The following CACNA1S variants were observed in gnomAD, a reference collection of about 807,000 sequenced individuals.
CACNA1S encodes calcium voltage-gated channel subunit alpha1 S.
A neutral mutation model predicts 207.4 loss-of-function variants in CACNA1S; 126 were observed. The observed-to-expected ratio is 0.61, with a 90% CI of 0.53 to 0.70. The LOEUF (loss-of-function observed/expected upper bound fraction) is 0.70. Ranked by LOEUF, CACNA1S falls within the 30% of genes least tolerant of loss-of-function variation. The pLI, the probability that CACNA1S is intolerant of heterozygous loss-of-function variation, is 0.00. For missense variants in CACNA1S, 2,349 were observed against 2,422.8 expected, an observed-to-expected ratio of 0.97 and a Z score of 0.64; for synonymous variants, 960 against 932.7, an observed-to-expected ratio of 1.03 and a Z score of -0.53.
Position 201,066,742 on chromosome 1 carries a change from C to A in CACNA1S, c.2657+145G>T. The A allele has an allele frequency of 1.4e-6, 1 of 691,448 alleles. No individual in the cohort carries two copies. The highest frequency in any genetic ancestry group is 2.1e-5 in the Admixed American group (1 of 46,606). The allele number at this position is 691,448 out of a possible 1,614,324, so 42.8% of individuals were successfully genotyped here. On this transcript the variant is annotated intron_variant, in intron 20 of 43. Coordinates refer to ENST00000362061, the MANE Select transcript of CACNA1S (RefSeq NM_000069.3). The surrounding 1 kb of genome is among the most constrained non-coding windows in gnomAD (Gnocchi z 4.3). Reference sequence around the variant, plus strand: ...CCACATTCCAGCTGGTGACAACCCACAGGACCCCCTGCCTCCATCGGAGGC... The same window carrying A: ...CCACATTCCAGCTGGTGACAACCCAAAGGACCCCCTGCCTCCATCGGAGGC...
chr1:201,082,667 A>G (rs1315210327), intron 10 of CACNA1S, among the ~76,000 whole-genome samples: 1 of 152,212 alleles, frequency 6.6e-6, no homozygotes, highest in Non-Finnish European at 1.5e-5. Context: ...CCCTCTGGCT[A>G]AGTAAGCTCC....
chr1:201,062,201 C>A, intron 23 of CACNA1S, 111 bp from the exon 24 acceptor site: 1 of 1,399,442 alleles, frequency 7.1e-7, no homozygotes. Flanking sequence ...AGTTCCAGAT[C>A]TGGGACCCAA....
chr1:201,107,612 T>C (rs1662944314), intron 2 of CACNA1S, among the ~76,000 whole-genome samples: 1 of 152,230 alleles, frequency 6.6e-6, no homozygotes. Context: ...GCCTCCTTTC[T>C]TGAAAGCTAC....
chr1:201,082,333 A>ATT lies in CACNA1S; in HGVS notation c.1393+827_1393+828dup, dbSNP rs77203267. On this transcript the variant is annotated intron_variant, in intron 10 of 43. Coordinates refer to ENST00000362061, the MANE Select transcript of CACNA1S (RefSeq NM_000069.3). Reference sequence around the variant, plus strand: ...TGAGCCACCGCGCCCGGCCTCAGGTATTTTTTTTATAGCAACACAAGAATG... The same window carrying ATT: ...TGAGCCACCGCGCCCGGCCTCAGGTATTTTTTTTTTATAGCAACACAAGAATG... Among the ~76,000 whole-genome samples the ATT allele has an allele frequency of 3.3e-5, 5 of 151,868 alleles. No homozygotes were observed. In the East Asian group the frequency reaches 7.8e-4, roughly 24 times the overall value.
rs753195502 is a variant in CACNA1S at position 201,092,104 on chromosome 1, C to T, written c.409G>A (p.Val137Met). ...FTIVFLGVFT[V>M]ILEQVNVIQS... ...ATGACGTTAACCTGTTCCAGAATCACGGTGAAGACCCTAGAATGGAGAAGA... is the reference window on the plus strand; with the variant it reads ...ATGACGTTAACCTGTTCCAGAATCATGGTGAAGACCCTAGAATGGAGAAGA... Residue 137 changes from valine to methionine, a missense_variant, in exon 4 of 44, where the codon GTG (valine) becomes ATG (methionine). Coordinates refer to ENST00000362061, the MANE Select transcript of CACNA1S (RefSeq NM_000069.3). 1.8e-5 allele frequency: 29 copies of T among 1,613,896 alleles called. No individual in the cohort carries two copies. Among genetic ancestry groups the T allele is most frequent in the Middle Eastern group, 1.6e-4 (1 of 6,084 alleles).
At chr1:201,109,800 A>G (rs115271096) in intron 2 of CACNA1S, among the ~76,000 whole-genome samples, 1 of 152,122 alleles carries the variant, frequency 6.6e-6, no homozygotes, top group Non-Finnish European at 1.5e-5. Flanking sequence ...TTAGCATTCA[A>G]CCTCTGTGGC....
intron 19 of CACNA1S, 76 bp downstream of exon 19, chr1:201,069,061 C>G (rs1661355813): frequency 7.7e-7 from 1 of 1,306,912 alleles, no homozygotes; most frequent in East Asian, 2.3e-5. Context: ...TCTCCAGCCC[C>G]TGAGTTCAGT....
At position 201,043,316 on chromosome 1, in the gene CACNA1S, G is replaced by T; in HGVS notation, c.5013C>A (p.Gly1671=). Residue 1671 remains glycine (G), a synonymous_variant, in exon 40 of 44, where the codon GGC becomes GGA. Transcript: ENST00000362061. ...TNNANANVAY[G]NSNHSNSHVF... ...CATGGCTGTTGCTATGGTTGCTGTTGCCATAGGCGACATTGGCGTTGGCAT... is the reference window on the plus strand; with the variant it reads ...CATGGCTGTTGCTATGGTTGCTGTTTCCATAGGCGACATTGGCGTTGGCAT... The T allele has an allele frequency of 1.2e-6, 2 of 1,614,216 alleles. No homozygotes were observed. Among genetic ancestry groups the T allele is most frequent in the Non-Finnish European group, 1.7e-6 (2 of 1,180,044 alleles).
intron 36 of CACNA1S, 106 bp downstream of exon 36, chr1:201,048,476 C>T: frequency 1.0e-6 from 1 of 988,872 alleles, no homozygotes. Context: ...TCTACTTCTT[C>T]CCACAGTTCT....
rs1404088450 is a variant in CACNA1S at position 201,097,279 on chromosome 1, C to G, written c.259-3258G>C. 4.6e-5 allele frequency among the ~76,000 whole-genome samples: 7 copies of G among 152,308 alleles called. No individual in the cohort carries two copies. The South Asian group carries it at 1.2e-3, about 27-fold the overall frequency. Reference sequence around the variant, plus strand: ...CCTTGCTTGCAAGTCTGCAATGGCTCCACAACACCTACCAGAAAAATCCAA... The same window carrying G: ...CCTTGCTTGCAAGTCTGCAATGGCTGCACAACACCTACCAGAAAAATCCAA... On this transcript the variant is annotated intron_variant, in intron 2 of 43. Transcript: ENST00000362061.
chr1:201,097,460 G>T (rs771182287), intron 2 of CACNA1S, among the ~76,000 whole-genome samples: 1 of 151,998 alleles, frequency 6.6e-6, no homozygotes, highest in Non-Finnish European at 1.5e-5. Context: ...TGCTCATCCC[G>T]GCCCCTCTGC....
chr1:201,085,530 C>T lies in CACNA1S; in HGVS notation c.1056G>A (p.Lys352=). Residue 352 remains lysine (K), a synonymous_variant, in exon 8 of 44, where the codon AAG becomes AAA. Coordinates refer to ENST00000362061, the MANE Select transcript of CACNA1S (RefSeq NM_000069.3). ...CATCTAGTTGCTGCTTCTCCCGGAG[C>T]TTCTGGAAGGTTCCCCTGGACTTGG... ...EKAKSRGTFQ[K]LREKQQLDED... 8 of 1,613,514 alleles carry T rather than the reference C, an allele frequency of 5.0e-6. No homozygotes were observed. The highest frequency in any genetic ancestry group is 5.9e-6 in the Non-Finnish European group (7 of 1,179,944).
At position 201,051,003 on chromosome 1, in the gene CACNA1S, T is replaced by C. The variant is rs747804520; in HGVS notation, c.4094A>G (p.Tyr1365Cys). The C allele has an allele frequency of 8.1e-6, 13 of 1,614,192 alleles. No individual in the cohort carries two copies. Among genetic ancestry groups the C allele is most frequent in the Non-Finnish European group, 1.1e-5 (13 of 1,180,020 alleles). The change falls in exon 33 of 44, where the codon TAC (tyrosine) becomes TGC (cysteine). Residue 1365 changes from tyrosine to cysteine, a missense_variant. Coordinates refer to ENST00000362061, the MANE Select transcript of CACNA1S (RefSeq NM_000069.3). ...NFAYYYFISF[Y>C]MLCAFLVINL... ...TCTCACCAGGAAGGCACAGAGCATG[T>C]AGAAGCTGATGAAGTAGTAGTATGC...
At chr1:201,047,847 T>C (rs1169601366) in intron 36 of CACNA1S, among the ~76,000 whole-genome samples, 1 of 152,252 alleles carries the variant, frequency 6.6e-6, no homozygotes, top group African/African-American at 2.4e-5. Context: ...CCCACAGGCC[T>C]TGGCTTCCAG....
intron 2 of CACNA1S, among the ~76,000 whole-genome samples, chr1:201,105,384 C>A (rs1662840293): frequency 6.6e-6 from 1 of 152,162 alleles, no homozygotes; most frequent in Admixed American, 6.5e-5. Flanking sequence ...TTACCTCTCT[C>A]AAGTATACAA....
Position 201,062,075 on chromosome 1 carries a change from C to T in CACNA1S, c.2922G>A (p.Val974=), listed in dbSNP as rs377715551. 93 of 1,613,842 alleles carry T rather than the reference C, an allele frequency of 5.8e-5. 1 individual carries two copies. The South Asian group carries it at 9.3e-4, about 16-fold the overall frequency. ...TEEECRGYYY[V]YKDGDPMQIE... ...TCTGCATGGGGTCCCCGTCCTTGTA[C>T]ACGTAGTAGTAGCCCCTGTGGCAGG... Residue 974 remains valine (V), a synonymous_variant, in exon 24 of 44, where the codon GTG becomes GTA. Coordinates refer to ENST00000362061, the MANE Select transcript of CACNA1S (RefSeq NM_000069.3).
At chr1:201,050,030 C>T (rs1016534891) in intron 34 of CACNA1S, among the ~76,000 whole-genome samples, 2 of 152,156 alleles carry the variant, frequency 1.3e-5, no homozygotes, top group African/African-American at 4.8e-5. Flanking sequence ...ATTCAGTCAG[C>T]CTGGGAGGGG....
At chr1:201,098,285 A>C (rs2038845) in intron 2 of CACNA1S, among the ~76,000 whole-genome samples, 133,489 of 152,192 alleles carry the variant, frequency 0.88, 59,273 homozygotes, top group Middle Eastern at 0.97. Flanking sequence ...CACACCGTCG[A>C]TATCACTCTG....
At position 201,065,896 on chromosome 1, in the gene CACNA1S, A is replaced by C; in HGVS notation, c.2795T>G (p.Val932Gly). ...GAACTGTAGGAGGGTAGTGACCAGC[A>C]CGATGTTCCCGATGGTGCTGATGGC... ...FVAISTIGNIVLVTTLLQFMF... is the reference protein window; with the variant it reads ...FVAISTIGNIGLVTTLLQFMF... The change falls in exon 22 of 44, where the codon GTG becomes GGG. Residue 932 changes from valine to glycine, a missense_variant. By Grantham distance (109) the Val-to-Gly change is moderately radical (BLOSUM62 -3). Transcript: ENST00000362061. 1.9e-6 allele frequency: 3 copies of C among 1,614,146 alleles called. No individual in the cohort carries two copies. The highest frequency in any genetic ancestry group is 2.5e-6 in the Non-Finnish European group (3 of 1,180,014).
Sources: gnomAD v4.1 joint callset for allele counts (sites outside exome capture counted in the v4.1 genomes callset) on GRCh38, gnomAD v4.1.1 for gene constraint, Gnocchi (gnomAD v3.1) non-coding constraint, MANE v1.5 for transcripts, NCBI Gene and HGNC (gene_info 2026-07-23, HGNC 2026-07-21) for gene names.